The following NBAS variants were observed in gnomAD, a reference collection of about 807,000 sequenced individuals.
The protein encoded by NBAS is NAG/BC035112 fusion.
NBAS carries 219 observed loss-of-function variants against 302.5 expected under a neutral mutation model. The ratio of observed to expected loss-of-function variants is 0.72; its 90% CI spans 0.65 to 0.81. The LOEUF (loss-of-function observed/expected upper bound fraction) is 0.81. NBAS is among the 30% of genes least tolerant of loss of function. NBAS has a pLI of 0.00. For synonymous variants in NBAS, 1,118 were observed against 1,021.6 expected, an observed-to-expected ratio of 1.09 and a Z score of -1.80; for missense variants, 2,932 against 2,841.6, an observed-to-expected ratio of 1.03 and a Z score of -0.72.
the NBAS span, among the ~76,000 whole-genome samples, chr2:14,988,582 T>C: frequency 3.9e-5 from 6 of 152,020 alleles, no homozygotes; most frequent in Non-Finnish European, 5.9e-5. Context: ...TTATAAGAAA[T>C]ACCAGGAAGA....
intron 35 of NBAS, among the ~76,000 whole-genome samples, 162 bp downstream of exon 35, chr2:15,351,828 TCA>T (rs965664017): frequency 2.0e-5 from 3 of 151,178 alleles, no homozygotes; most frequent in African/African-American, 4.9e-5. Context: ...ATGTTATATT[TCA>T]CACACACACA....
downstream of NBAS, among the ~76,000 whole-genome samples, chr2:15,163,408 C>A (rs968701631): frequency 2.0e-5 from 3 of 152,196 alleles, no homozygotes; most frequent in Admixed American, 6.5e-5. Flanking sequence ...GTGACATAAA[C>A]CCTGCTCTCC....
chr2:15,200,589 A>T (rs988469787), intron 48 of NBAS, among the ~76,000 whole-genome samples: 15 of 152,224 alleles, frequency 9.9e-5, no homozygotes, highest in African/African-American at 2.7e-4. Context: ...TTTCATACTG[A>T]CACAACTAAC....
chr2:15,514,899 C>T (rs1662315222), intron 9 of NBAS, among the ~76,000 whole-genome samples: 1 of 152,054 alleles, frequency 6.6e-6, no homozygotes, highest in Non-Finnish European at 1.5e-5. Context: ...CCCCTAAGAA[C>T]AAAAGGGATT....
the NBAS span, among the ~76,000 whole-genome samples, chr2:15,129,637 T>A: frequency 1.3e-5 from 2 of 152,200 alleles, no homozygotes; most frequent in Non-Finnish European, 2.9e-5. Flanking sequence ...AAGCCCTTCC[T>A]TTTCTAAAAT....
the NBAS span, among the ~76,000 whole-genome samples, chr2:14,797,861 G>A: frequency 2.0e-5 from 3 of 152,124 alleles, no homozygotes; most frequent in Non-Finnish European, 2.9e-5. Context: ...AGTAGCACCC[G>A]AAAAAGTCTT....
In NBAS at chr2:15,251,462, AAAAC is replaced by A. The variant is rs553447025; in HGVS notation, c.5725-12780_5725-12777del. ...CCTAGAACTTGAAGTATAATAATAA[AAAAC>A]AAACAAACAAACAAAGTCCATAGAG... On this transcript the variant is annotated intron_variant, in intron 44 of 51. Coordinates refer to ENST00000281513, the MANE Select transcript of NBAS (RefSeq NM_015909.4). Among the ~76,000 whole-genome samples, 324 of 152,292 alleles carry A rather than the reference AAAAC, an allele frequency of 2.1e-3. 1 individual carries two copies. Among genetic ancestry groups the A allele is most frequent in the Admixed American group, 3.9e-3 (59 of 15,298 alleles).
chr2:14,808,064 G>T, the NBAS span, among the ~76,000 whole-genome samples: 1 of 152,026 alleles, frequency 6.6e-6, no homozygotes, highest in East Asian at 1.9e-4. Context: ...AAATATTATA[G>T]CTATTATATG....
chr2:15,077,051 C>G, the NBAS span, among the ~76,000 whole-genome samples: 4 of 152,310 alleles, frequency 2.6e-5, no homozygotes, highest in East Asian at 5.8e-4. Context: ...CATTTTCACA[C>G]TGCTATAAAG....
intron 12 of NBAS, among the ~76,000 whole-genome samples, chr2:15,488,359 T>A (rs921721922): frequency 6.6e-6 from 1 of 152,162 alleles, no homozygotes; most frequent in African/African-American, 2.4e-5. Context: ...CACTAACTAG[T>A]GCTACTCTGT....
intron 31 of NBAS, among the ~76,000 whole-genome samples, chr2:15,370,766 A>G (rs1674443560): frequency 6.6e-6 from 1 of 152,206 alleles, no homozygotes. Context: ...GAATGGAGGC[A>G]TTTATCCAAT....
chr2:15,015,972 C>A, the NBAS span, among the ~76,000 whole-genome samples: 14 of 152,166 alleles, frequency 9.2e-5, 1 homozygote, highest in Admixed American at 6.5e-4. Flanking sequence ...AGTAGCATTT[C>A]TATATACTAA....
At chr2:15,405,318 A>G (rs746176511) in intron 25 of NBAS, among the ~76,000 whole-genome samples, 36 of 152,204 alleles carry the variant, frequency 2.4e-4, no homozygotes, top group Non-Finnish European at 4.7e-4. Context: ...CATTCTGCAT[A>G]TCTTTTAAAA....
the NBAS span, among the ~76,000 whole-genome samples, chr2:15,013,808 T>A: frequency 7.2e-5 from 11 of 151,776 alleles, no homozygotes; most frequent in Admixed American, 2.0e-4. Flanking sequence ...TTAATTAAAA[T>A]AAAAATAAAA....
At chr2:15,175,903 A>C (rs1196233372) in intron 51 of NBAS, among the ~76,000 whole-genome samples, 1 of 152,238 alleles carries the variant, frequency 6.6e-6, no homozygotes, top group Admixed American at 6.5e-5. Flanking sequence ...TGCTATCAGC[A>C]AACAAGTGGG....
chr2:15,022,458 G>A, the NBAS span, among the ~76,000 whole-genome samples: 1 of 152,064 alleles, frequency 6.6e-6, no homozygotes, highest in African/African-American at 2.4e-5. Flanking sequence ...AGGAGTCTAG[G>A]TTTTTCTACT....
rs146910391 is a variant in NBAS at position 15,234,023 on chromosome 2, G to A, written c.6146+522C>T. The stretch of plus-strand genomic sequence containing the variant: ...ATTCCTACAAAGGCACCCACATATC[G>A]ACGCAAAGCAAGAATTTCTCAATTG... On this transcript the variant is annotated intron_variant, in intron 46 of 51. Transcript: ENST00000281513. Among the ~76,000 whole-genome samples the A allele has an allele frequency of 2.1e-3, 313 of 152,140 alleles. 1 individual carries two copies. Among genetic ancestry groups the A allele is most frequent in the Non-Finnish European group, 3.2e-3 (219 of 68,010 alleles).
chr2:15,153,081 CCCT>C, the NBAS span, among the ~76,000 whole-genome samples: 3 of 151,926 alleles, frequency 2.0e-5, no homozygotes, highest in Non-Finnish European at 4.4e-5. Context: ...TTTACAGAAC[CCCT>C]CCAAGTCAGA....
At chr2:15,393,859 A>T (rs1675734410) in intron 28 of NBAS, 1 of 395,714 alleles carries the variant, frequency 2.5e-6, no homozygotes, top group Non-Finnish European at 5.0e-6. Context: ...CAAACAAAAA[A>T]GTTACACTGT....
Sources: allele counts gnomAD v4.1 joint callset (sites outside exome capture counted in the v4.1 genomes callset), GRCh38; gene constraint gnomAD v4.1.1; transcripts MANE v1.5; gene names NCBI Gene and HGNC (gene_info 2026-07-23, HGNC 2026-07-21).